ACACA: variants seen among roughly 807,000 people sequenced by gnomAD.
ACACA encodes the protein acetyl-CoA carboxylase alpha.
A neutral mutation model predicts 296.1 loss-of-function variants in ACACA; 103 were observed. The ratio of observed to expected loss-of-function variants is 0.35; its 90% confidence interval spans 0.30 to 0.41. The LOEUF is 0.41. Among genes scored for constraint, ACACA ranks in the 10% least tolerant of loss-of-function variants. ACACA has a pLI of 1.00. For synonymous variants in ACACA, 953 were observed against 1,038.6 expected (o/e 0.92, Z 1.58); for missense variants, 1,554 against 2,989.7 (o/e 0.52, Z 11.20).
chr17:37,200,962 T>A (rs1215730759), intron 33 of ACACA, among the ~76,000 whole-genome samples: 2 of 152,202 alleles, frequency 1.3e-5, no homozygotes, highest in African/African-American at 4.8e-5. Flanking sequence ...AGATACAGCA[T>A]CCCTAGAATT....
In ACACA at chr17:37,243,355, G is replaced by A; in HGVS notation, c.2931+16C>T. The A allele has an allele frequency of 6.2e-7, 1 of 1,611,710 alleles. No individual in the cohort carries two copies. Among genetic ancestry groups the A allele is most frequent in the Middle Eastern group, 1.7e-4 (1 of 6,046 alleles). ...ATTGGTAGCCAGAAAAAAATATAGT[G>A]TTATCCTATAAATACCTGCTGGCTG... On this transcript the variant is annotated intron_variant, in intron 22 of 55. Transcript: ENST00000616317.
At chr17:37,299,398 T>G in intron 3 of ACACA, 1 of 1,612,620 alleles carries the variant, frequency 6.2e-7, no homozygotes, top group African/African-American at 1.3e-5. Context: ...AAGCCGCAGT[T>G]CCTCCTCCTG....
chr17:37,369,769 A>G (rs1220253346), intron 1 of ACACA, among the ~76,000 whole-genome samples: 2 of 152,004 alleles, frequency 1.3e-5, no homozygotes, highest in Non-Finnish European at 2.9e-5. Context: ...GCAGTGGTGC[A>G]ATCTTGGCTC....
intron 42 of ACACA, among the ~76,000 whole-genome samples, chr17:37,160,015 C>T (rs190038784): frequency 6.6e-6 from 1 of 152,280 alleles, no homozygotes; most frequent in East Asian, 1.9e-4. Flanking sequence ...AATATGGAAT[C>T]ACTGGTGACC....
intron 29 of ACACA, among the ~76,000 whole-genome samples, chr17:37,221,307 A>G (rs1427913798): frequency 6.6e-6 from 1 of 152,200 alleles, no homozygotes; most frequent in Non-Finnish European, 1.5e-5. Context: ...ACTGGCTCAG[A>G]TATAACCTCA....
At chr17:37,131,643 G>A (rs1009940417) in intron 45 of ACACA, among the ~76,000 whole-genome samples, 6 of 152,170 alleles carry the variant, frequency 3.9e-5, no homozygotes, top group African/African-American at 1.4e-4. Flanking sequence ...GGAGCTTTGA[G>A]AGGTTCCCCT....
At position 37,174,808 on chromosome 17, in the gene ACACA, GGT is replaced by G. The variant is rs1700840078; in HGVS notation, c.5079+4450_5079+4451del. ...AGCCTCCCAAAGTGCTGGGATTACA[GGT>G]ATAAGCCACCACGCCTGGCCCCAGT... On this transcript the variant is annotated intron_variant, in intron 41 of 55. Coordinates refer to ENST00000616317, the MANE Select transcript of ACACA (RefSeq NM_198834.3). Among the ~76,000 whole-genome samples the G allele has an allele frequency of 2.0e-5, 3 of 152,236 alleles. No homozygotes were observed. In the East Asian group the frequency reaches 5.8e-4, roughly 29 times the overall value.
intron 5 of ACACA, among the ~76,000 whole-genome samples, chr17:37,281,670 A>T (rs928912685): frequency 6.6e-6 from 1 of 152,168 alleles, no homozygotes; most frequent in African/African-American, 2.4e-5. Flanking sequence ...TACCGAGACC[A>T]TCCTGGCCAA....
intron 1 of ACACA, chr17:37,392,469 C>T (rs553058120): frequency 6.6e-6 from 1 of 152,186 alleles, no homozygotes; most frequent in Non-Finnish European, 1.5e-5. Flanking sequence ...TCAAATCTAA[C>T]CTGCTTAAAT....
intron 1 of ACACA, among the ~76,000 whole-genome samples, chr17:37,350,266 G>C (rs2048835713): frequency 6.6e-6 from 1 of 151,874 alleles, no homozygotes. Context: ...AGGAGGTCGA[G>C]GCTGCAGTGA....
At chr17:37,129,546 A>G in intron 46 of ACACA, 61 bp from the exon 47 acceptor site, 1 of 1,606,596 alleles carries the variant, frequency 6.2e-7, no homozygotes, top group Non-Finnish European at 8.5e-7. Flanking sequence ...ACTCCAACTC[A>G]GCAACAATAG....
In ACACA at chr17:37,240,576, G is replaced by C; in HGVS notation, c.3033-12C>G. ...TGCCACTTCGGTACCTAGGCAAATA[G>C]AAAGTCTCCACTGAAAAACCTGACA... On this transcript the variant is annotated splice_polypyrimidine_tract_variant and intron_variant, in intron 23 of 55. Coordinates refer to ENST00000616317, the MANE Select transcript of ACACA (RefSeq NM_198834.3). 1.2e-6 allele frequency: 2 copies of C among 1,608,624 alleles called. No homozygotes were observed. Among genetic ancestry groups the C allele is most frequent in the Non-Finnish European group, 1.7e-6 (2 of 1,178,552 alleles).
At chr17:37,143,985 C>G in intron 45 of ACACA, 2 of 848,136 alleles carry the variant, frequency 2.4e-6, no homozygotes, top group Non-Finnish European at 4.1e-6. Flanking sequence ...CAGAATACAA[C>G]AGGAAGAACG....
At chr17:37,121,628 T>G in intron 49 of ACACA, 138 bp from the exon 50 acceptor site, 1 of 1,118,432 alleles carries the variant, frequency 8.9e-7, no homozygotes, top group Non-Finnish European at 1.3e-6. Flanking sequence ...ATCAAGATCA[T>G]CATGTTTGGA....
chr17:37,186,855 C>G (rs1381412367), intron 39 of ACACA, among the ~76,000 whole-genome samples: 1 of 150,032 alleles, frequency 6.7e-6, no homozygotes, highest in Non-Finnish European at 1.5e-5. Context: ...TCACCATTAG[C>G]TAGCATGAGG....
At chr17:37,105,557 C>T (rs929118889) in intron 52 of ACACA, among the ~76,000 whole-genome samples, 8 of 152,072 alleles carry the variant, frequency 5.3e-5, no homozygotes, top group African/African-American at 1.7e-4. Context: ...ATGGGCCCTT[C>T]TTCCTTTACT....
chr17:37,339,729 C>T (rs2048298196), intron 2 of ACACA, 75 bp downstream of exon 2: 5 of 931,556 alleles, frequency 5.4e-6, no homozygotes, highest in Non-Finnish European at 8.5e-6. Context: ...AACACAAAAG[C>T]CTACAGTTTG....
chr17:37,380,363 C>G (rs71382467), intron 1 of ACACA, among the ~76,000 whole-genome samples: 3,939 of 150,916 alleles, frequency 0.026, 105 homozygotes, highest in East Asian at 0.062. Context: ...CAGCATGGCA[C>G]ATGTATACAT....
chr17:37,168,767 G>C (rs555874329), intron 41 of ACACA, among the ~76,000 whole-genome samples: 1 of 152,148 alleles, frequency 6.6e-6, no homozygotes, highest in South Asian at 2.1e-4. Context: ...GCAATGATGT[G>C]GTAGAGTGTA....
Sources: gnomAD v4.1 joint callset for allele counts (sites outside exome capture counted in the v4.1 genomes callset) on GRCh38, gnomAD v4.1.1 for gene constraint, MANE v1.5 for transcripts, NCBI Gene and HGNC (gene_info 2026-07-23, HGNC 2026-07-21) for gene names.